ADARB2: variants seen among roughly 807,000 people sequenced by gnomAD.
ADARB2 encodes the protein inactive double-stranded RNA-specific editase B2.
In ADARB2, 25 loss-of-function variants were observed where a neutral mutation model predicts 62.2. That is an observed-to-expected ratio of 0.40 (90% CI 0.29 to 0.56). ADARB2 has a LOEUF of 0.56. Ranked by LOEUF, ADARB2 falls within the 20% of genes least tolerant of loss-of-function variation. The pLI is 0.43. For missense variants in ADARB2, 1,071 were observed against 1,077.4 expected (o/e 0.99, Z 0.08); for synonymous variants, 572 against 500.8 (o/e 1.14, Z -1.90).
chr10:1,242,033 G>A, intron 5 of ADARB2, 98 bp downstream of exon 5: 2 of 1,292,994 alleles, frequency 1.5e-6, no homozygotes, highest in South Asian at 2.9e-5. Flanking sequence ...CAGGATAGAG[G>A]GAAGCGTGTT....
chr10:1,657,784 G>A (rs1389705160), intron 1 of ADARB2, among the ~76,000 whole-genome samples: 1 of 152,154 alleles, frequency 6.6e-6, no homozygotes, highest in African/African-American at 2.4e-5. Context: ...CTCCCTGGAG[G>A]TGGAAGGGCA....
intron 6 of ADARB2, among the ~76,000 whole-genome samples, chr10:1,226,442 T>C (rs1265635918): frequency 6.6e-6 from 1 of 152,264 alleles, no homozygotes; most frequent in Non-Finnish European, 1.5e-5. Context: ...CTTTGTTCCA[T>C]TGCTGGTGAG....
At chr10:1,446,852 C>T (rs1057421974) in intron 1 of ADARB2, among the ~76,000 whole-genome samples, 1 of 152,130 alleles carries the variant, frequency 6.6e-6, no homozygotes, top group Admixed American at 6.5e-5. Context: ...ATACTCCTGC[C>T]AAAGTGCCTG....
chr10:1,510,308 G>A (rs139814402), intron 1 of ADARB2, among the ~76,000 whole-genome samples: 38 of 152,084 alleles, frequency 2.5e-4, no homozygotes, highest in Non-Finnish European at 4.6e-4. Context: ...AGCTTCATGA[G>A]TAGCTGGAAT....
intron 1 of ADARB2, among the ~76,000 whole-genome samples, chr10:1,692,665 T>C (rs1378675930): frequency 1.3e-5 from 2 of 152,088 alleles, no homozygotes; most frequent in Non-Finnish European, 2.9e-5. Flanking sequence ...TAACAAGGCC[T>C]GTCTAAAGTA....
chr10:1,534,640 G>C (rs1011230134), intron 1 of ADARB2: 1 of 153,584 alleles, frequency 6.5e-6, no homozygotes, highest in Admixed American at 6.5e-5. Flanking sequence ...GTTTTACCCT[G>C]TGGTCTCATT....
At chr10:1,575,352 C>T (rs1166899844) in intron 1 of ADARB2, among the ~76,000 whole-genome samples, 2 of 151,764 alleles carry the variant, frequency 1.3e-5, no homozygotes, top group African/African-American at 4.9e-5. Context: ...ATTCTGTAGT[C>T]TCAGTGCTGA....
intron 8 of ADARB2, among the ~76,000 whole-genome samples, chr10:1,195,676 G>C (rs1836900831): frequency 6.6e-6 from 1 of 152,120 alleles, no homozygotes. Context: ...CCATGGAGAG[G>C]CTGATCCTGG....
chr10:1,206,838 G>T (rs941588852), intron 7 of ADARB2, among the ~76,000 whole-genome samples: 11 of 152,160 alleles, frequency 7.2e-5, no homozygotes, highest in Non-Finnish European at 1.3e-4. Flanking sequence ...CCTTGCAGAT[G>T]GTGCGCTTGT....
Position 1,585,894 on chromosome 10 carries a change from T to C in ADARB2, c.100+151157A>G, listed in dbSNP as rs550683333. Among the ~76,000 whole-genome samples the C allele has an allele frequency of 3.0e-4, 45 of 151,842 alleles. No homozygotes were observed. The Middle Eastern group carries it at 0.014, about 46-fold the overall frequency. ...CTAAAAATACAAAAAACTGGCTGGG[T>C]GGGGTGGCGGGCGGCTGTAGTCCCA... On this transcript the variant is annotated intron_variant, in intron 1 of 9. Transcript: ENST00000381312.
rs796805560 is a variant in ADARB2 at position 1,566,090 on chromosome 10, A to C, written c.100+170961T>G. Among the ~76,000 whole-genome samples the C allele has an allele frequency of 3.2e-3, 393 of 122,550 alleles. 43 individuals are homozygous for C. Among genetic ancestry groups the C allele is most frequent in the African/African-American group, 7.4e-3 (239 of 32,276 alleles). The allele number at this position is 122,550 out of a possible 152,430, so 80.4% of individuals were successfully genotyped here. ...AAAAAAAAAAAAAAAAAAAAAAAAA[A>C]AAAAAAAAAAAAAAAAAAAACTCCC... On this transcript the variant is annotated intron_variant, in intron 1 of 9. Coordinates refer to ENST00000381312, the MANE Select transcript of ADARB2 (RefSeq NM_018702.4).
At chr10:1,663,272 C>T (rs1909430) in intron 1 of ADARB2, among the ~76,000 whole-genome samples, 61,404 of 152,028 alleles carry the variant, frequency 0.4, 12,717 homozygotes, top group South Asian at 0.54. Context: ...TTGATTACGA[C>T]TGATGAAGCA....
At chr10:1,448,915 C>T (rs1057398416) in intron 1 of ADARB2, among the ~76,000 whole-genome samples, 4 of 152,148 alleles carry the variant, frequency 2.6e-5, no homozygotes, top group Non-Finnish European at 5.9e-5. Context: ...TCTCAGGGGT[C>T]CCCAGCTCAT....
intron 1 of ADARB2, among the ~76,000 whole-genome samples, chr10:1,616,803 T>A (rs1833641073): frequency 7.0e-6 from 1 of 142,808 alleles, no homozygotes; most frequent in Non-Finnish European, 1.5e-5. Flanking sequence ...GAGGGCTGCA[T>A]TCTGTTGCTA....
Position 1,233,568 on chromosome 10 carries a change from C to T in ADARB2, c.1513+126G>A, listed in dbSNP as rs572930188. The T allele has an allele frequency of 1.0e-4, 102 of 1,019,636 alleles. No homozygotes were observed. The African/African-American group carries it at 1.2e-3, about 12-fold the overall frequency. 63.2% of individuals were successfully genotyped at this position (1,019,636 alleles called of 1,614,324 possible). ...ATCCCACTAATTGTAGACTCAATCC[C>T]CTTCCAGTACCCAAGGGCCCCACAC... is the stretch of plus-strand genomic sequence containing the variant. On this transcript the variant is annotated intron_variant, in intron 6 of 9. Coordinates refer to ENST00000381312, the MANE Select transcript of ADARB2 (RefSeq NM_018702.4).
intron 1 of ADARB2, among the ~76,000 whole-genome samples, chr10:1,631,121 G>T (rs773171202): frequency 2.0e-5 from 3 of 152,186 alleles, no homozygotes; most frequent in East Asian, 3.9e-4. Flanking sequence ...TGAGTTCCTA[G>T]CTTCCCTGGA....
intron 1 of ADARB2, among the ~76,000 whole-genome samples, chr10:1,643,640 C>T (rs964580023): frequency 1.3e-5 from 2 of 152,360 alleles, no homozygotes; most frequent in South Asian, 4.1e-4. Context: ...CTGCGAAGCG[C>T]GTCAGAACCA....
chr10:1,250,831 G>A (rs1222660225), intron 4 of ADARB2, among the ~76,000 whole-genome samples: 5 of 152,228 alleles, frequency 3.3e-5, no homozygotes, highest in Non-Finnish European at 7.3e-5. Context: ...ACAAGCCCTA[G>A]TGTACATCAA....
intron 1 of ADARB2, among the ~76,000 whole-genome samples, chr10:1,434,432 C>A (rs1303239201): frequency 6.6e-6 from 1 of 152,150 alleles, no homozygotes; most frequent in Non-Finnish European, 1.5e-5. Context: ...CGCAGGCCTC[C>A]GTAGCAACTG....
Sources: gnomAD v4.1 joint callset for allele counts (sites outside exome capture counted in the v4.1 genomes callset) on GRCh38, gnomAD v4.1.1 for gene constraint, MANE v1.5 for transcripts, NCBI Gene and HGNC (gene_info 2026-07-23, HGNC 2026-07-21) for gene names.